The following INPP4B variants were observed in gnomAD, a reference collection of about 807,000 sequenced individuals.
INPP4B encodes the protein inositol polyphosphate-4-phosphatase type II B, also known as inositol polyphosphate 4-phosphatase type II.
Under a neutral mutation model 122.5 loss-of-function variants are expected in INPP4B, and 55 were observed. That is an observed-to-expected ratio of 0.45 (90% CI 0.36 to 0.56). The LOEUF (loss-of-function observed/expected upper bound fraction) is 0.56. INPP4B is among the 20% of genes least tolerant of loss of function. The pLI, the probability that INPP4B is intolerant of heterozygous loss-of-function variation, is 0.00. For missense variants in INPP4B, 1,000 were observed against 1,097.7 expected, an observed-to-expected ratio of 0.91 and a Z score of 1.26; for synonymous variants, 403 against 388.7, an observed-to-expected ratio of 1.04 and a Z score of -0.43.
chr4:142,029,455 C>G, intron 25 of INPP4B: 1 of 986,008 alleles, frequency 1.0e-6, no homozygotes, highest in Non-Finnish European at 1.2e-6. Context: ...AGGAAGAGTG[C>G]TTGTCCACGG....
rs1192217563 is a variant in INPP4B, at chr4:142,509,212, A to G, written c.-190-46486T>C. Among the ~76,000 whole-genome samples, 3 of 152,210 alleles carry G rather than the reference A, an allele frequency of 2.0e-5. No individual in the cohort carries two copies. In the East Asian group the frequency reaches 5.8e-4, roughly 29 times the overall value. Reference sequence around the variant, plus strand: ...GGTTCTGTCACTTCCTGACGGTAGCAACGTGGACCAGTTATTTTTAATTTT... The same window carrying G: ...GGTTCTGTCACTTCCTGACGGTAGCGACGTGGACCAGTTATTTTTAATTTT... On this transcript the variant is annotated intron_variant, in intron 2 of 25. Coordinates refer to ENST00000262992, the MANE Select transcript of INPP4B (RefSeq NM_001101669.3).
At chr4:142,075,390 G>A (rs1365186578) in intron 25 of INPP4B, among the ~76,000 whole-genome samples, 4 of 151,354 alleles carry the variant, frequency 2.6e-5, no homozygotes, top group African/African-American at 9.8e-5. Flanking sequence ...CTCTCTGGGG[G>A]CCCCGGATAT....
At chr4:142,456,927 C>T (rs1815574150) in intron 3 of INPP4B, among the ~76,000 whole-genome samples, 1 of 151,920 alleles carries the variant, frequency 6.6e-6, no homozygotes, top group South Asian at 2.1e-4. Context: ...AACTCAACTA[C>T]TTAATTTAAA....
At chr4:142,070,184 A>T (rs6821927) in intron 25 of INPP4B, among the ~76,000 whole-genome samples, 3,883 of 152,316 alleles carry the variant, frequency 0.025, 179 homozygotes, top group African/African-American at 0.089. Context: ...GGTTCAACAT[A>T]CGCAAATTAA....
At chr4:142,524,329 A>AT (rs1325922206) in intron 2 of INPP4B, among the ~76,000 whole-genome samples, 3 of 151,944 alleles carry the variant, frequency 2.0e-5, no homozygotes, top group South Asian at 2.1e-4. Context: ...TTGTTTCCTG[A>AT]TTTTTTAATG....
intron 12 of INPP4B, among the ~76,000 whole-genome samples, chr4:142,210,772 T>G (rs1844545994): frequency 6.6e-6 from 1 of 152,150 alleles, no homozygotes; most frequent in South Asian, 2.1e-4. Flanking sequence ...ACAGTTACAA[T>G]TTATATTATC....
At chr4:142,325,838 G>A (rs934053437) in intron 7 of INPP4B, among the ~76,000 whole-genome samples, 1 of 152,112 alleles carries the variant, frequency 6.6e-6, no homozygotes, top group Admixed American at 6.6e-5. Flanking sequence ...TGCAAATGTG[G>A]CTCCAGAGTC....
chr4:142,382,641 T>C (rs1794607011), intron 7 of INPP4B, among the ~76,000 whole-genome samples: 1 of 145,476 alleles, frequency 6.9e-6, no homozygotes, highest in South Asian at 2.1e-4. Flanking sequence ...TATATACATT[T>C]ATATATTATA....
chr4:142,815,286 A>AT (rs1331324599), intron 1 of INPP4B, among the ~76,000 whole-genome samples: 1 of 152,196 alleles, frequency 6.6e-6, no homozygotes, highest in Non-Finnish European at 1.5e-5. Flanking sequence ...CTGGCATTAG[A>AT]TAAAAACTAA....
chr4:142,141,749 T>C (rs1444840750), intron 18 of INPP4B, among the ~76,000 whole-genome samples: 1 of 152,054 alleles, frequency 6.6e-6, no homozygotes, highest in East Asian at 1.9e-4. Context: ...AGCTGTAGGT[T>C]AAAGAACAAC....
intron 2 of INPP4B, among the ~76,000 whole-genome samples, chr4:142,691,095 C>T (rs370921594): frequency 4.6e-5 from 7 of 152,140 alleles, no homozygotes; most frequent in Non-Finnish European, 1.0e-4. Flanking sequence ...TCCATTCCCA[C>T]GAGACCATGG....
Position 142,446,086 on chromosome 4 carries a change from T to C in INPP4B, c.-126-14701A>G, listed in dbSNP as rs190468703. Among the ~76,000 whole-genome samples, 504 of 152,048 alleles carry C rather than the reference T, an allele frequency of 3.3e-3. 2 individuals carry two copies. The highest frequency in any genetic ancestry group is 4.1e-3 in the Non-Finnish European group (278 of 67,914). ...AAGGTCTCAAATCAATTATCTAAGCTTTTACTTCATAACTAGAAAAAGGGC... is the reference window on the plus strand; with the variant it reads ...AAGGTCTCAAATCAATTATCTAAGCCTTTACTTCATAACTAGAAAAAGGGC... On this transcript the variant is annotated intron_variant, in intron 3 of 25. Transcript: ENST00000262992.
At chr4:142,303,639 A>G (rs3775691) in intron 9 of INPP4B, among the ~76,000 whole-genome samples, 1 of 151,988 alleles carries the variant, frequency 6.6e-6, no homozygotes, top group African/African-American at 2.4e-5. Flanking sequence ...AGAGAAAACC[A>G]CAAATTTGGC....
chr4:142,457,799 T>C (rs1445535355), intron 3 of INPP4B, among the ~76,000 whole-genome samples: 1 of 152,184 alleles, frequency 6.6e-6, no homozygotes, highest in Admixed American at 6.6e-5. Context: ...TTTCACTCTG[T>C]TGCCCAGGCT....
intron 2 of INPP4B, among the ~76,000 whole-genome samples, chr4:142,515,470 G>C (rs984116104): frequency 1.3e-5 from 2 of 152,042 alleles, no homozygotes; most frequent in African/African-American, 4.8e-5. Context: ...AATATTTTCA[G>C]AGAAGACTGT....
intron 2 of INPP4B, among the ~76,000 whole-genome samples, chr4:142,585,655 G>A (rs1735999529): frequency 6.6e-6 from 1 of 152,040 alleles, no homozygotes. Flanking sequence ...CTCAGGAAAA[G>A]TTCCAGAAAG....
intron 1 of INPP4B, among the ~76,000 whole-genome samples, chr4:142,759,770 A>G (rs1207745228): frequency 2.0e-5 from 3 of 149,140 alleles, no homozygotes; most frequent in Non-Finnish European, 4.4e-5. Flanking sequence ...CGAGATCACA[A>G]AGGTAATTTG....
intron 11 of INPP4B, among the ~76,000 whole-genome samples, chr4:142,246,870 G>T (rs1360547701): frequency 6.6e-6 from 1 of 152,116 alleles, no homozygotes; most frequent in Admixed American, 6.5e-5. Flanking sequence ...TCCTTGACTT[G>T]TGCCAGTTTT....
intron 9 of INPP4B, among the ~76,000 whole-genome samples, chr4:142,278,138 A>AGG (rs1319545719): frequency 6.6e-6 from 1 of 151,974 alleles, no homozygotes; most frequent in Non-Finnish European, 1.5e-5. Context: ...TGCACACTCT[A>AGG]CAGCATTGTG....
Sources: gnomAD v4.1 joint callset for allele counts (sites outside exome capture counted in the v4.1 genomes callset) on GRCh38, gnomAD v4.1.1 for gene constraint, MANE v1.5 for transcripts, NCBI Gene and HGNC (gene_info 2026-07-23, HGNC 2026-07-21) for gene names.